The following MMP16 variants were observed in gnomAD, a reference collection of about 807,000 sequenced individuals.
The protein encoded by MMP16 is matrix metalloproteinase-16.
MMP16 carries 12 observed loss-of-function variants against 67.8 expected under a neutral mutation model. That is an observed-to-expected ratio of 0.18 (90% CI 0.11 to 0.29). The LOEUF (loss-of-function observed/expected upper bound fraction) is 0.29. Ranked by LOEUF, MMP16 falls within the 10% of genes least tolerant of loss-of-function variation. MMP16 has a pLI of 1.00. For synonymous variants in MMP16, 249 were observed against 255.9 expected (o/e 0.97, Z 0.26); for missense variants, 475 against 765.7 (o/e 0.62, Z 4.48).
chr8:88,053,551 C>CT (rs879897903), intron 8 of MMP16, among the ~76,000 whole-genome samples: 71 of 152,182 alleles, frequency 4.7e-4, no homozygotes, highest in South Asian at 1.9e-3. Flanking sequence ...GCTGACATAA[C>CT]TTTTTTTCTT....
intron 2 of MMP16, among the ~76,000 whole-genome samples, chr8:88,193,605 CAAAT>C (rs1809204860): frequency 6.6e-6 from 1 of 152,112 alleles, no homozygotes; most frequent in Non-Finnish European, 1.5e-5. Context: ...GATCTTAACA[CAAAT>C]AAATGGCAAA....
intron 1 of MMP16, among the ~76,000 whole-genome samples, chr8:88,248,360 A>G (rs1275894619): frequency 6.6e-6 from 1 of 152,132 alleles, no homozygotes; most frequent in Non-Finnish European, 1.5e-5. Flanking sequence ...CAGATTGACT[A>G]AAGAGCAAAT....
At chr8:88,239,068 C>G (rs904620603) in intron 1 of MMP16, among the ~76,000 whole-genome samples, 6 of 152,100 alleles carry the variant, frequency 3.9e-5, no homozygotes, top group Non-Finnish European at 7.4e-5. Flanking sequence ...TCCTTGTCCA[C>G]CTTCATCCAT....
At chr8:88,326,967 G>A in intron 1 of MMP16, 108 bp downstream of exon 1, 3 of 1,438,518 alleles carry the variant, frequency 2.1e-6, no homozygotes, top group South Asian at 1.2e-5. Flanking sequence ...GGGAAACAAC[G>A]TGCTGGGACC....
At chr8:88,281,016 C>A (rs1162344853) in intron 1 of MMP16, among the ~76,000 whole-genome samples, 1 of 152,092 alleles carries the variant, frequency 6.6e-6, no homozygotes, top group African/African-American at 2.4e-5. Flanking sequence ...ATCAGGAGAG[C>A]ACAAATTAAT....
Position 88,041,281 on chromosome 8 carries a change from TC to T in MMP16, c.*179del, listed in dbSNP as rs1249802895. The T allele has an allele frequency of 4.3e-5, 26 of 601,770 alleles. No homozygotes were observed. Among genetic ancestry groups the T allele is most frequent in the Non-Finnish European group, 6.5e-5 (22 of 339,670 alleles). The allele number at this position is 601,770 out of a possible 1,614,324, so 37.3% of individuals were successfully genotyped here. On this transcript the variant is annotated 3_prime_UTR_variant, in exon 10 of 10. Transcript: ENST00000286614. The surrounding 1 kb of genome is among the most constrained non-coding windows in gnomAD (Gnocchi z 6.0). ...GCAGATACTGTGCATCATGGAAGCTTCCCCATGAGTGTATTTCCACTCATGT... is the reference window on the plus strand; with the variant it reads ...GCAGATACTGTGCATCATGGAAGCTTCCCATGAGTGTATTTCCACTCATGT...
In MMP16 at chr8:88,041,604, T is replaced by G. The variant is rs750607147; in HGVS notation, c.1681A>C (p.Thr561Pro). ...IVIKLDNTASTVKAIAIVIPC... is the reference protein window; with the variant it reads ...IVIKLDNTASPVKAIAIVIPC... The stretch of plus-strand genomic sequence containing the variant: ...ATGACAATAGCTATGGCTTTCACAG[T>G]GCTGGCTGTGTTGTCCAGTTTGATG... Residue 561 changes from threonine (T) to proline (P), a missense_variant, in exon 10 of 10, where the codon ACT becomes CCT. Coordinates refer to ENST00000286614, the MANE Select transcript of MMP16 (RefSeq NM_005941.5). The surrounding 1 kb of genome is among the most constrained non-coding windows in gnomAD (Gnocchi z 6.0). 7 of 1,614,144 alleles carry G rather than the reference T, an allele frequency of 4.3e-6. No individual in the cohort carries two copies. The Admixed American group carries it at 8.3e-5, about 19-fold the overall frequency.
rs534341838 is a variant in MMP16 at position 88,281,952 on chromosome 8, A to T, written c.132+45123T>A. ...AGCTCATCTGTGTCCAAAAATTTTA[A>T]ATTTTTGTTCAAATACTTCCTTCCT... On this transcript the variant is annotated intron_variant, in intron 1 of 9. Transcript: ENST00000286614. Among the ~76,000 whole-genome samples, 9 of 152,240 alleles carry T rather than the reference A, an allele frequency of 5.9e-5. No individual in the cohort carries two copies. In the East Asian group the frequency reaches 1.5e-3, roughly 26 times the overall value.
chr8:88,234,041 CA>C (rs911216930), intron 1 of MMP16, among the ~76,000 whole-genome samples: 27 of 151,786 alleles, frequency 1.8e-4, no homozygotes, highest in South Asian at 6.2e-4. Context: ...AAGATTTTTT[CA>C]AAAAAAGAAC....
chr8:88,312,883 G>C (rs1040791547), intron 1 of MMP16, among the ~76,000 whole-genome samples: 2 of 152,104 alleles, frequency 1.3e-5, no homozygotes, highest in Non-Finnish European at 2.9e-5. Context: ...CAGGAGAATT[G>C]CTTGAACCCA....
chr8:88,119,723 A>G (rs993787912), intron 4 of MMP16, among the ~76,000 whole-genome samples: 3 of 152,088 alleles, frequency 2.0e-5, no homozygotes, highest in Non-Finnish European at 4.4e-5. Flanking sequence ...TCTTACATCT[A>G]TATTTTTAAT....
chr8:88,288,274 A>C (rs912629153), intron 1 of MMP16, among the ~76,000 whole-genome samples: 1 of 152,244 alleles, frequency 6.6e-6, no homozygotes, highest in Non-Finnish European at 1.5e-5. Context: ...CTGAATTTCT[A>C]TGAAACCTCA....
intron 1 of MMP16, among the ~76,000 whole-genome samples, chr8:88,238,422 C>T (rs1809979324): frequency 6.6e-6 from 1 of 151,874 alleles, no homozygotes; most frequent in African/African-American, 2.4e-5. Context: ...TTTTGGGAGG[C>T]CGAGGTGGGT....
At chr8:88,125,370 A>C (rs549355713) in intron 4 of MMP16, among the ~76,000 whole-genome samples, 1 of 152,078 alleles carries the variant, frequency 6.6e-6, no homozygotes, top group East Asian at 1.9e-4. Flanking sequence ...ATGTCTAATA[A>C]GGCACAGTTA....
chr8:88,041,771 T>C lies in MMP16; in HGVS notation c.1514A>G (p.Lys505Arg). 6.2e-7 allele frequency: 1 copy of C among 1,611,306 alleles called. No individual in the cohort carries two copies. Among genetic ancestry groups the C allele is most frequent in the Non-Finnish European group, 8.5e-7 (1 of 1,178,672 alleles). The change falls in exon 10 of 10, where the codon AAG becomes AGG. Residue 505 changes from lysine to arginine, a missense_variant. Around this residue, in one of 5 missense-constraint regions of MMP16, gnomAD observed 23 missense variants for 79.1 expected, o/e 0.29. Transcript: ENST00000286614. The surrounding 1 kb of genome is among the most constrained non-coding windows in gnomAD (Gnocchi z 6.0). ...ENGFTYFYKG[K>R]EYWKFNNQIL... ...CTGGTTGTTGAATTTCCAATACTCC[T>C]TTCCTTTGTAGAAATACGTAAAGCC...
intron 3 of MMP16, among the ~76,000 whole-genome samples, chr8:88,180,052 C>A (rs1426801081): frequency 6.6e-6 from 1 of 152,130 alleles, no homozygotes; most frequent in African/African-American, 2.4e-5. Flanking sequence ...GAGGCCGAGG[C>A]AGGCGGATCA....
At chr8:88,149,386 G>C (rs1342615491) in intron 4 of MMP16, among the ~76,000 whole-genome samples, 1 of 152,160 alleles carries the variant, frequency 6.6e-6, no homozygotes, top group African/African-American at 2.4e-5. Flanking sequence ...GCCTGCCTCT[G>C]TAGGCTCCAC....
At chr8:88,139,801 T>G (rs944064506) in intron 4 of MMP16, among the ~76,000 whole-genome samples, 2 of 152,154 alleles carry the variant, frequency 1.3e-5, no homozygotes, top group African/African-American at 4.8e-5. Flanking sequence ...CTATACTTCT[T>G]TGTCTTGAAT....
At chr8:88,163,144 T>A (rs2129688539) in intron 4 of MMP16, among the ~76,000 whole-genome samples, 1 of 152,070 alleles carries the variant, frequency 6.6e-6, no homozygotes, top group Non-Finnish European at 1.5e-5. Flanking sequence ...TCTACACAGG[T>A]GTTTTCTGTA....
Sources: gnomAD v4.1 joint callset for allele counts (sites outside exome capture counted in the v4.1 genomes callset) on GRCh38, gnomAD v4.1.1 for gene constraint, gnomAD v4.1.1 regional missense constraint, Gnocchi (gnomAD v3.1) non-coding constraint, MANE v1.5 for transcripts, NCBI Gene and HGNC (gene_info 2026-07-23, HGNC 2026-07-21) for gene names.